Variants in SNTG1 observed in about 807,000 individuals in gnomAD.
The protein encoded by SNTG1 is gamma-1-syntrophin.
Under a neutral mutation model 74.7 loss-of-function variants are expected in SNTG1, and 39 were observed. The ratio of observed to expected loss-of-function variants is 0.52; its 90% CI spans 0.40 to 0.68. The LOEUF (loss-of-function observed/expected upper bound fraction) is 0.68. SNTG1 is among the 30% of genes least tolerant of loss of function. The probability of loss-of-function intolerance (pLI) is 0.00; values close to 1 mark genes in which losing one functional copy is unlikely to be tolerated. For missense variants in SNTG1, 685 were observed against 609.5 expected (o/e 1.12, Z -1.30); for synonymous variants, 254 against 217.1 (o/e 1.17, Z -1.49).
chr8:50,286,343 A>G (rs1290060938), intron 2 of SNTG1, among the ~76,000 whole-genome samples: 3 of 152,166 alleles, frequency 2.0e-5, no homozygotes, highest in Non-Finnish European at 4.4e-5. Context: ...AATGTGACAA[A>G]CACCTGGGTT....
At chr8:50,214,484 G>C (rs1036049305) in intron 2 of SNTG1, among the ~76,000 whole-genome samples, 1 of 151,972 alleles carries the variant, frequency 6.6e-6, no homozygotes, top group Non-Finnish European at 1.5e-5. Context: ...ATGTGGACCA[G>C]TAAAATAGTC....
chr8:50,393,160 A>G (rs1751971664), intron 2 of SNTG1, among the ~76,000 whole-genome samples: 1 of 152,150 alleles, frequency 6.6e-6, no homozygotes, highest in South Asian at 2.1e-4. Context: ...TCTAGGGGAA[A>G]TATTTAATAG....
intron 2 of SNTG1, among the ~76,000 whole-genome samples, chr8:50,379,660 C>G (rs1414645834): frequency 6.6e-6 from 1 of 152,212 alleles, no homozygotes; most frequent in African/African-American, 2.4e-5. Context: ...CTGCTGCCAA[C>G]AGTAATAATA....
chr8:50,042,536 G>A (rs1818726619), intron 1 of SNTG1, among the ~76,000 whole-genome samples: 1 of 152,080 alleles, frequency 6.6e-6, no homozygotes, highest in South Asian at 2.1e-4. Flanking sequence ...TTTCCAGCCA[G>A]GGTGACAGAC....
At chr8:50,204,386 C>G (rs975877040) in intron 2 of SNTG1, among the ~76,000 whole-genome samples, 1 of 151,984 alleles carries the variant, frequency 6.6e-6, no homozygotes, top group African/African-American at 2.4e-5. Context: ...TTATCTTGAT[C>G]ATGATTTTCT....
chr8:50,414,646 A>ATTTT (rs2092991913), intron 4 of SNTG1, among the ~76,000 whole-genome samples: 1 of 150,780 alleles, frequency 6.6e-6, no homozygotes, highest in Non-Finnish European at 1.5e-5. Context: ...ATTTTTATTT[A>ATTTT]TTTTATTCAT....
chr8:50,491,694 C>CTTATTTAT (rs113358818), intron 8 of SNTG1, among the ~76,000 whole-genome samples: 1,983 of 150,490 alleles, frequency 0.013, 20 homozygotes, highest in South Asian at 0.019. Context: ...TGATCCAGAA[C>CTTATTTAT]TTATTTATTT....
intron 12 of SNTG1, among the ~76,000 whole-genome samples, chr8:50,587,876 C>T (rs2094662679): frequency 2.6e-5 from 4 of 151,570 alleles, no homozygotes; most frequent in Admixed American, 6.6e-5. Context: ...TTTTGGGAGG[C>T]CGAGGCGGGC....
intron 1 of SNTG1, among the ~76,000 whole-genome samples, chr8:49,931,229 A>G (rs994101467): frequency 2.6e-5 from 4 of 152,242 alleles, no homozygotes; most frequent in African/African-American, 7.2e-5. Context: ...GCAGAGTAAC[A>G]TTTACAATGT....
At chr8:50,102,432 T>A (rs1365527916) in intron 1 of SNTG1, among the ~76,000 whole-genome samples, 6 of 148,850 alleles carry the variant, frequency 4.0e-5, no homozygotes, top group African/African-American at 1.5e-4. Flanking sequence ...TAAATTTGTT[T>A]GAGTTCATTG....
rs142013879 is a variant in SNTG1, at chr8:50,710,382, A to C, written c.1284+1404A>C. ...AATCAAGATAGGCTCCTGAGTATTA[A>C]ATTAATTTGATAAATTAATTGAATT... On this transcript the variant is annotated intron_variant, in intron 17 of 18. Coordinates refer to ENST00000642720, the MANE Select transcript of SNTG1 (RefSeq NM_018967.5). Among the ~76,000 whole-genome samples the C allele has an allele frequency of 2.0e-3, 306 of 152,114 alleles. 4 individuals are homozygous for C. Among genetic ancestry groups the C allele is most frequent in the African/African-American group, 7.2e-3 (299 of 41,434 alleles).
chr8:50,529,994 A>T (rs544775713), intron 9 of SNTG1, among the ~76,000 whole-genome samples, 183 bp from the exon 10 acceptor site: 1 of 152,120 alleles, frequency 6.6e-6, no homozygotes, highest in Non-Finnish European at 1.5e-5. Context: ...TTTAGTGCCC[A>T]GATACCTGTA....
chr8:50,410,731 T>G (rs2131393931), intron 4 of SNTG1, among the ~76,000 whole-genome samples: 1 of 152,304 alleles, frequency 6.6e-6, no homozygotes, highest in African/African-American at 2.4e-5. Flanking sequence ...TTGGACTTTT[T>G]TTTAGATTAT....
At chr8:50,622,799 C>A (rs914979482) in intron 13 of SNTG1, among the ~76,000 whole-genome samples, 6 of 151,814 alleles carry the variant, frequency 4.0e-5, no homozygotes, top group African/African-American at 1.5e-4. Context: ...GATGAAATTT[C>A]TAAGAACATA....
chr8:50,329,060 G>A (rs2090861009), intron 2 of SNTG1, among the ~76,000 whole-genome samples: 1 of 152,176 alleles, frequency 6.6e-6, no homozygotes, highest in Non-Finnish European at 1.5e-5. Flanking sequence ...CAGTCATTAA[G>A]TCTTAAAGCT....
chr8:50,016,684 C>T (rs1484573774), intron 1 of SNTG1, among the ~76,000 whole-genome samples: 2 of 152,086 alleles, frequency 1.3e-5, no homozygotes, highest in Non-Finnish European at 2.9e-5. Context: ...CTTGAATTTG[C>T]TTTTTGTCTA....
chr8:50,134,522 C>CT (rs201512858), intron 1 of SNTG1, among the ~76,000 whole-genome samples: 1,914 of 151,968 alleles, frequency 0.013, 20 homozygotes, highest in Non-Finnish European at 0.021. Flanking sequence ...TATGGGAAAG[C>CT]TTTTTTTTAA....
chr8:50,285,852 T>C (rs2088746989), intron 2 of SNTG1, among the ~76,000 whole-genome samples: 1 of 151,468 alleles, frequency 6.6e-6, no homozygotes, highest in Non-Finnish European at 1.5e-5. Flanking sequence ...AACGTGACAA[T>C]GAACAATATA....
At chr8:50,200,345 A>G (rs754369302) in intron 2 of SNTG1, among the ~76,000 whole-genome samples, 1 of 152,204 alleles carries the variant, frequency 6.6e-6, no homozygotes, top group East Asian at 1.9e-4. Flanking sequence ...CCTGAAGACT[A>G]TGACATCAGA....
Sources: gnomAD v4.1 joint callset for allele counts (sites outside exome capture counted in the v4.1 genomes callset) on GRCh38, gnomAD v4.1.1 for gene constraint, MANE v1.5 for transcripts, NCBI Gene and HGNC (gene_info 2026-07-23, HGNC 2026-07-21) for gene names.